Variants in RERE observed in about 807,000 individuals in gnomAD.
RERE encodes the protein arginine-glutamic acid dipeptide repeats.
In RERE, 40 loss-of-function variants were observed where a neutral mutation model predicts 146.1. That is an observed-to-expected ratio of 0.27 (90% CI 0.21 to 0.36). RERE has a LOEUF of 0.36. Among genes scored for constraint, RERE ranks in the 10% least tolerant of loss-of-function variants. RERE has a pLI of 1.00. For synonymous variants in RERE, 1,003 were observed against 866.0 expected (o/e 1.16, Z -2.78); for missense variants, 1,933 against 2,138.7 (o/e 0.90, Z 1.90).
chr1:8,381,582 T>C (rs1642460166), intron 12 of RERE, among the ~76,000 whole-genome samples: 1 of 152,204 alleles, frequency 6.6e-6, no homozygotes, highest in South Asian at 2.1e-4. Context: ...TTATTCAAGG[T>C]AATTATTATT....
chr1:8,720,345 G>A (rs1214639364), intron 1 of RERE, among the ~76,000 whole-genome samples: 1 of 151,728 alleles, frequency 6.6e-6, no homozygotes, highest in Non-Finnish European at 1.5e-5. Flanking sequence ...ACCTCAAGGG[G>A]TTTACATTCT....
At chr1:8,380,105 C>T (rs1642394602) in intron 12 of RERE, among the ~76,000 whole-genome samples, 2 of 152,180 alleles carry the variant, frequency 1.3e-5, no homozygotes, top group African/African-American at 2.4e-5. Flanking sequence ...CAGAACATAC[C>T]ATAACCCCAT....
At chr1:8,469,550 G>A (rs1419443446) in intron 10 of RERE, among the ~76,000 whole-genome samples, 11 of 152,182 alleles carry the variant, frequency 7.2e-5, no homozygotes, top group Admixed American at 6.5e-5. Context: ...TTGAACCCAG[G>A]CGGCAGAGGT....
intron 7 of RERE, among the ~76,000 whole-genome samples, chr1:8,529,060 C>T (rs1165525676): frequency 2.6e-5 from 4 of 151,656 alleles, no homozygotes; most frequent in African/African-American, 7.3e-5. Context: ...ATAGAGCAAA[C>T]CTATAATAAA....
intron 2 of RERE, among the ~76,000 whole-genome samples, chr1:8,638,866 C>A (rs566231726): frequency 2.0e-5 from 3 of 146,442 alleles, no homozygotes; most frequent in African/African-American, 7.6e-5. Flanking sequence ...CTCCGCCTCC[C>A]GTGTTCATGC....
At chr1:8,597,516 T>C (rs1646569396) in intron 4 of RERE, among the ~76,000 whole-genome samples, 1 of 152,224 alleles carries the variant, frequency 6.6e-6, no homozygotes, top group Non-Finnish European at 1.5e-5. Context: ...ATATATGGGA[T>C]TGGAAAACAG....
At chr1:8,692,030 TAAAG>T (rs1639217935) in intron 1 of RERE, among the ~76,000 whole-genome samples, 1 of 152,166 alleles carries the variant, frequency 6.6e-6, no homozygotes, top group South Asian at 2.1e-4. Flanking sequence ...TGGTCCTCAA[TAAAG>T]AAAGAAAATA....
intron 12 of RERE, among the ~76,000 whole-genome samples, chr1:8,396,538 A>G (rs987277920): frequency 6.6e-6 from 1 of 152,194 alleles, no homozygotes; most frequent in African/African-American, 2.4e-5. Flanking sequence ...TCAGCTGTGG[A>G]TAACAACGGA....
intron 12 of RERE, among the ~76,000 whole-genome samples, chr1:8,384,437 A>G (rs1234618365): frequency 2.0e-5 from 3 of 152,204 alleles, no homozygotes; most frequent in Non-Finnish European, 4.4e-5. Context: ...TTAAAGGGGC[A>G]TTAATAAGAA....
intron 1 of RERE, among the ~76,000 whole-genome samples, chr1:8,731,598 A>G (rs1470548094): frequency 3.9e-5 from 6 of 152,186 alleles, no homozygotes; most frequent in Non-Finnish European, 7.4e-5. Flanking sequence ...AGTATAAAAA[A>G]AAAAATGCAT....
At chr1:8,743,634 G>C (rs779088180) in intron 1 of RERE, among the ~76,000 whole-genome samples, 11 of 151,924 alleles carry the variant, frequency 7.2e-5, no homozygotes, top group Non-Finnish European at 1.3e-4. Context: ...TCTCAGTATA[G>C]ACATGCATAG....
intron 1 of RERE, among the ~76,000 whole-genome samples, chr1:8,668,963 T>TGTGTGTGTGTGTTG (rs1553130735): frequency 2.4e-5 from 1 of 42,384 alleles, no homozygotes. Flanking sequence ...TGTGTGTGTG[T>TGTGTGTGTGTGTTG]TGTGTTTTTA....
At chr1:8,598,558 G>A (rs963498630) in intron 4 of RERE, among the ~76,000 whole-genome samples, 1 of 152,130 alleles carries the variant, frequency 6.6e-6, no homozygotes, top group African/African-American at 2.4e-5. Context: ...CATGGCAGCT[G>A]GACACCCACC....
Position 8,584,282 on chromosome 1 carries a change from A to G in RERE, c.523-26759T>C, listed in dbSNP as rs143199739. On this transcript the variant is annotated intron_variant, in intron 4 of 22. Transcript: ENST00000400908. The stretch of plus-strand genomic sequence containing the variant: ...CAAATATTAAAAATAGGCACTGGGC[A>G]TGGTGACTTACACCTGTAATCCCAA... 9.1e-4 allele frequency among the ~76,000 whole-genome samples: 138 copies of G among 152,284 alleles called. No individual in the cohort carries two copies. The East Asian group carries it at 0.024, about 27-fold the overall frequency.
chr1:8,668,924 C>CTGTGTGTGTGTGTGTGTGTGTGTGTGTG (rs58718828), intron 1 of RERE, among the ~76,000 whole-genome samples: 8 of 83,510 alleles, frequency 9.6e-5, no homozygotes, highest in East Asian at 4.9e-4. Flanking sequence ...GCACTAAACT[C>CTGTGTGTGTGTGTGTGTGTGTGTGTGTG]TGTGTGTGTG....
intron 2 of RERE, among the ~76,000 whole-genome samples, chr1:8,638,127 GAA>G (rs1180862388): frequency 6.6e-6 from 1 of 152,126 alleles, no homozygotes; most frequent in African/African-American, 2.4e-5. Context: ...AACATATATT[GAA>G]ATACTTATCA....
At chr1:8,688,755 G>A (rs1639144805) in intron 1 of RERE, among the ~76,000 whole-genome samples, 1 of 152,140 alleles carries the variant, frequency 6.6e-6, no homozygotes, top group Non-Finnish European at 1.5e-5. Context: ...TATATACCAT[G>A]AGATATCCAA....
chr1:8,751,643 T>C (rs1464947033), intron 1 of RERE, among the ~76,000 whole-genome samples: 1 of 152,166 alleles, frequency 6.6e-6, no homozygotes, highest in Non-Finnish European at 1.5e-5. Context: ...ACTGCGCTTA[T>C]TCCTATAGCA....
intron 4 of RERE, among the ~76,000 whole-genome samples, chr1:8,595,100 G>A (rs532599856): frequency 9.9e-5 from 15 of 151,120 alleles, no homozygotes; most frequent in African/African-American, 2.9e-4. Context: ...GCTTAAGGCT[G>A]CAGTGCTCTA....
Sources: gnomAD v4.1 joint callset for allele counts (sites outside exome capture counted in the v4.1 genomes callset) on GRCh38, gnomAD v4.1.1 for gene constraint, MANE v1.5 for transcripts, NCBI Gene and HGNC (gene_info 2026-07-23, HGNC 2026-07-21) for gene names.